The following ELMOD3 variants were observed in gnomAD, a reference collection of about 807,000 sequenced individuals.
ELMOD3 encodes ELMO domain-containing protein 3.
In ELMOD3, 36 loss-of-function variants were observed where a neutral mutation model predicts 47.4. That is an observed-to-expected ratio of 0.76 (90% CI 0.58 to 1.00). The LOEUF (loss-of-function observed/expected upper bound fraction) is 1.00, where lower values mean the gene tolerates loss of function less well. Ranked by LOEUF, ELMOD3 falls within the 50% of genes least tolerant of loss-of-function variation. The probability of loss-of-function intolerance (pLI) is 0.00; values close to 1 mark genes in which losing one functional copy is unlikely to be tolerated. For missense variants in ELMOD3, 404 were observed against 463.8 expected, an observed-to-expected ratio of 0.87 and a Z score of 1.18; for synonymous variants, 149 against 183.5, an observed-to-expected ratio of 0.81 and a Z score of 1.52.
At chr2:85,387,970 G>C (rs1367643489) in intron 11 of ELMOD3, among the ~76,000 whole-genome samples, 1 of 152,030 alleles carries the variant, frequency 6.6e-6, no homozygotes, top group Non-Finnish European at 1.5e-5. Context: ...CTGCCAAATT[G>C]TGCAATACGT....
At chr2:85,379,322 T>G (rs1685392435) in intron 11 of ELMOD3, among the ~76,000 whole-genome samples, 1 of 152,220 alleles carries the variant, frequency 6.6e-6, no homozygotes, top group South Asian at 2.1e-4. Flanking sequence ...TTCTCCTGCC[T>G]CAGCCTCCTG....
At chr2:85,364,804 CATAT>C (rs1224340659) in intron 6 of ELMOD3, among the ~76,000 whole-genome samples, 21 of 78,074 alleles carry the variant, frequency 2.7e-4, no homozygotes, top group African/African-American at 1.1e-3. Context: ...ACTTTAAATA[CATAT>C]ATATATATAT....
At chr2:85,375,758 G>C (rs1468994682) in intron 10 of ELMOD3, among the ~76,000 whole-genome samples, 2 of 152,220 alleles carry the variant, frequency 1.3e-5, no homozygotes, top group East Asian at 3.8e-4. Context: ...GTCTTACTGA[G>C]AACCTGTGGT....
At chr2:85,361,867 C>A (rs1683987087) in intron 4 of ELMOD3, among the ~76,000 whole-genome samples, 1 of 151,418 alleles carries the variant, frequency 6.6e-6, no homozygotes, top group Admixed American at 6.6e-5. Context: ...GGAGGTGGAG[C>A]TTGCAGTGAG....
Position 85,371,184 on chromosome 2 carries a change from G to A in ELMOD3, c.459G>A (p.Arg153=). The part of the protein sequence containing the change: ...PKLHQRLREE[R]DLVLTIAQCG... Reference sequence around the variant, plus strand: ...TCCACCAGCGCCTTCGGGAAGAAAGGGACTTGGTCCTGACCATTGCTCAGT... The same window carrying A: ...TCCACCAGCGCCTTCGGGAAGAAAGAGACTTGGTCCTGACCATTGCTCAGT... Residue 153 remains arginine (R), a synonymous_variant, in exon 9 of 14, where the codon AGG becomes AGA. Transcript: ENST00000409013. The A allele has an allele frequency of 6.2e-7, 1 of 1,614,270 alleles. No homozygotes were observed. The highest frequency in any genetic ancestry group is 1.3e-5 in the African/African-American group (1 of 75,080).
rs531044155 is a variant in ELMOD3 at position 85,362,211 on chromosome 2, C to A, written c.80C>A (p.Ser27Tyr). 4 of 1,605,594 alleles carry A rather than the reference C, an allele frequency of 2.5e-6. No individual in the cohort carries two copies. Among genetic ancestry groups the A allele is most frequent in the Non-Finnish European group, 3.4e-6 (4 of 1,172,326 alleles). Residue 27 changes from serine to tyrosine, a missense_variant, in exon 5 of 14, where the codon TCT becomes TAT. Physicochemically the swap from Ser to Tyr is moderately radical, Grantham distance 144. Transcript: ENST00000409013. ...GGTGAAAGATTGTCTGCTGGATATT[C>A]TCCATCATATGACAAGGACAAGAGT... ...GQGERLSAGY[S>Y]PSYDKDKSVL...
chr2:85,371,133 A>T lies in ELMOD3; in HGVS notation c.408A>T (p.Arg136=), dbSNP rs889037351. The T allele has an allele frequency of 6.2e-7, 1 of 1,614,244 alleles. No individual in the cohort carries two copies. Among genetic ancestry groups the T allele is most frequent in the Non-Finnish European group, 8.5e-7 (1 of 1,180,032 alleles). ...TIRRTGLAAL[R]HYLFGPPKLH... is the part of the protein sequence containing the mutation. ...GAAGGACTGGGCTCGCCGCCCTCCG[A>T]CACTACCTCTTCGGGCCTCCAAAGC... Residue 136 remains arginine (R), a synonymous_variant, in exon 9 of 14, where the codon CGA becomes CGT. Coordinates refer to ENST00000409013, the MANE Select transcript of ELMOD3 (RefSeq NM_001135022.2).
intron 11 of ELMOD3, among the ~76,000 whole-genome samples, chr2:85,384,378 C>T (rs11675838): frequency 0.051 from 7,773 of 152,294 alleles, 236 homozygotes; most frequent in Non-Finnish European, 0.067. Context: ...GAGGAAATGC[C>T]TTGCACAGGG....
At chr2:85,365,787 C>T (rs563514194) in intron 6 of ELMOD3, among the ~76,000 whole-genome samples, 1 of 152,120 alleles carries the variant, frequency 6.6e-6, no homozygotes, top group African/African-American at 2.4e-5. Flanking sequence ...TTTGATCAAG[C>T]TGTTTGTAGG....
chr2:85,364,825 A>ATATATATATATATTTTTT (rs375582916), intron 6 of ELMOD3, among the ~76,000 whole-genome samples: 3 of 69,892 alleles, frequency 4.3e-5, no homozygotes, highest in African/African-American at 6.7e-5. Context: ...ATATATATAT[A>ATATATATATATATTTTTT]TTTTTTTTTT....
Position 85,368,695 on chromosome 2 carries a change from C to T in ELMOD3, c.209C>T (p.Thr70Ile), listed in dbSNP as rs955592. 102,980 of 1,613,622 alleles carry T rather than the reference C, an allele frequency of 0.064. 3,695 individuals are homozygous for T. Among genetic ancestry groups the T allele is most frequent in the Non-Finnish European group, 0.072 (84,801 of 1,179,666 alleles). The change falls in exon 7 of 14, where the codon ACA (threonine) becomes ATA (isoleucine). Residue 70 changes from threonine (T) to isoleucine (I), a missense_variant. Thr to Ile is a moderately conservative substitution (Grantham distance 89). Coordinates refer to ENST00000409013, the MANE Select transcript of ELMOD3 (RefSeq NM_001135022.2). Reference sequence around the variant, plus strand: ...TCTCCTACTATTGCAGTTGTGAGTACAGAGGTGGTCAGAGCCCAAGAAGAA... The same window carrying T: ...TCTCCTACTATTGCAGTTGTGAGTATAGAGGTGGTCAGAGCCCAAGAAGAA... ...AYEWEPRVVS[T>I]EVVRAQEEWE...
chr2:85,371,348 G>C (rs1423113270), intron 9 of ELMOD3, 92 bp from the exon 10 acceptor site: 2 of 1,593,724 alleles, frequency 1.3e-6, no homozygotes, highest in Admixed American at 3.4e-5. Context: ...AGAACTGGAT[G>C]TCTCACAGTC....
intron 10 of ELMOD3, among the ~76,000 whole-genome samples, chr2:85,375,253 A>G (rs1558707678): frequency 6.6e-6 from 1 of 152,190 alleles, no homozygotes; most frequent in South Asian, 2.1e-4. Flanking sequence ...ATTCCTTTGA[A>G]TACTTTCTTC....
intron 10 of ELMOD3, chr2:85,371,780 T>G: frequency 2.0e-6 from 1 of 501,494 alleles, no homozygotes; most frequent in South Asian, 2.2e-5. Flanking sequence ...ACGCCTGTAA[T>G]CCCAGCACTT....
chr2:85,378,095 C>T (rs367748003), intron 11 of ELMOD3, among the ~76,000 whole-genome samples: 2 of 152,128 alleles, frequency 1.3e-5, no homozygotes, highest in South Asian at 2.1e-4. Context: ...TATAAGCATG[C>T]CAGGGCAAAT....
intron 11 of ELMOD3, among the ~76,000 whole-genome samples, chr2:85,382,042 A>C (rs1287241212): frequency 7.3e-6 from 1 of 136,116 alleles, no homozygotes; most frequent in Non-Finnish European, 1.5e-5. Context: ...GCGTGAACCC[A>C]GGAGGTGGAG....
chr2:85,388,399 G>C (rs1686084729), intron 11 of ELMOD3, among the ~76,000 whole-genome samples: 1 of 152,184 alleles, frequency 6.6e-6, no homozygotes, highest in Non-Finnish European at 1.5e-5. Context: ...ATTTTCTAAG[G>C]CTCAGGCTCT....
intron 10 of ELMOD3, among the ~76,000 whole-genome samples, chr2:85,373,803 C>T (rs528335059): frequency 5.1e-4 from 77 of 150,010 alleles, no homozygotes; most frequent in African/African-American, 1.5e-3. Flanking sequence ...CTCACCACTG[C>T]GCTCCAGCTT....
chr2:85,371,212 G>C lies in ELMOD3; in HGVS notation c.484+3G>C, dbSNP rs769112797. 1 of 1,614,140 alleles carries C rather than the reference G, an allele frequency of 6.2e-7. No homozygotes were observed. The highest frequency in any genetic ancestry group is 1.7e-5 in the Admixed American group (1 of 59,990). Reference sequence around the variant, plus strand: ...CTTGGTCCTGACCATTGCTCAGTGTGAGTGCAATGCGAGCCCACAGGGCAG... The same window carrying C: ...CTTGGTCCTGACCATTGCTCAGTGTCAGTGCAATGCGAGCCCACAGGGCAG... On this transcript the variant is annotated splice_donor_region_variant and intron_variant, in intron 9 of 13. Coordinates refer to ENST00000409013, the MANE Select transcript of ELMOD3 (RefSeq NM_001135022.2).
Sources: allele counts gnomAD v4.1 joint callset (sites outside exome capture counted in the v4.1 genomes callset), GRCh38; gene constraint gnomAD v4.1.1; transcripts MANE v1.5; gene names NCBI Gene and HGNC (gene_info 2026-07-23, HGNC 2026-07-21).